Variants in MED16 observed in about 807,000 individuals in gnomAD.
MED16 encodes the protein mediator of RNA polymerase II transcription subunit 16.
In MED16, 81 loss-of-function variants were observed where a neutral mutation model predicts 84.4. That is an observed-to-expected ratio of 0.96 (90% CI 0.80 to 1.15). The LOEUF is 1.15. Ranked by LOEUF, MED16 falls within the 50% of genes most tolerant of loss-of-function variation. The probability of loss-of-function intolerance (pLI) is 0.00; values close to 1 mark genes in which losing one functional copy is unlikely to be tolerated. For synonymous variants in MED16, 897 were observed against 552.2 expected, an observed-to-expected ratio of 1.62 and a Z score of -8.76; for missense variants, 1,585 against 1,245.9, an observed-to-expected ratio of 1.27 and a Z score of -4.10.
intron 12 of MED16, chr19:871,477 G>T: frequency 6.9e-7 from 1 of 1,455,890 alleles, no homozygotes. Flanking sequence ...CCTGTCATGA[G>T]ACTCCCTCAT....
chr19:884,552 G>A (rs1053179505), intron 6 of MED16, among the ~76,000 whole-genome samples: 1 of 151,952 alleles, frequency 6.6e-6, no homozygotes, highest in Admixed American at 6.6e-5. Flanking sequence ...GCTGCCCGAC[G>A]GCCCCACCCA....
chr19:871,527 G>C, intron 12 of MED16: 1 of 1,567,272 alleles, frequency 6.4e-7, no homozygotes, highest in East Asian at 2.3e-5. Context: ...GCCTTTTCCA[G>C]ACACTGGGAT....
intron 13 of MED16, 66 bp downstream of exon 13, chr19:870,971 G>A: frequency 6.9e-7 from 1 of 1,455,858 alleles, no homozygotes; most frequent in South Asian, 1.3e-5. Flanking sequence ...GTGGATTCGG[G>A]GGTCCCGGGG....
intron 7 of MED16, among the ~76,000 whole-genome samples, chr19:880,406 G>C (rs148550951): frequency 0.026 from 3,942 of 152,364 alleles, 57 homozygotes; most frequent in Middle Eastern, 0.082. Context: ...CTGGGCCCAT[G>C]TCCTGGCTGA....
chr19:879,563 T>G (rs1169588759), intron 8 of MED16, among the ~76,000 whole-genome samples: 1 of 106,218 alleles, frequency 9.4e-6, no homozygotes, highest in African/African-American at 3.9e-5. Flanking sequence ...CAGCTCGCCT[T>G]CCCCTGGTTG....
intron 1 of MED16, among the ~76,000 whole-genome samples, 172 bp from the exon 2 acceptor site, chr19:891,321 G>T (rs886307297): frequency 6.6e-6 from 1 of 152,186 alleles, no homozygotes; most frequent in Non-Finnish European, 1.5e-5. Context: ...AACATGGAGA[G>T]GTCAGGGCCA....
intron 13 of MED16, among the ~76,000 whole-genome samples, chr19:870,218 G>A (rs1599313600): frequency 6.6e-6 from 1 of 152,156 alleles, no homozygotes; most frequent in Non-Finnish European, 1.5e-5. Context: ...ACTAAGGGCA[G>A]AGGCTAAGGC....
chr19:868,560 C>T (rs1208302603), intron 14 of MED16, 61 bp from the exon 15 acceptor site: 2 of 1,583,274 alleles, frequency 1.3e-6, no homozygotes, highest in Non-Finnish European at 8.5e-7. Flanking sequence ...TTACGCCTGC[C>T]CCACTTTTGC....
chr19:874,425 A>C (rs554694527), intron 10 of MED16, among the ~76,000 whole-genome samples: 1 of 152,310 alleles, frequency 6.6e-6, no homozygotes, highest in South Asian at 2.1e-4. Flanking sequence ...AATTTTTAAA[A>C]GAAACAGCCT....
intron 8 of MED16, among the ~76,000 whole-genome samples, chr19:878,184 A>T (rs1262047176): frequency 1.5e-5 from 2 of 129,412 alleles, no homozygotes; most frequent in East Asian, 2.6e-4. Flanking sequence ...CACCGAGCCC[A>T]GCCCCACGTG....
intron 9 of MED16, 45 bp downstream of exon 9, chr19:876,924 GCCACA>G (rs762208180): frequency 2.5e-5 from 39 of 1,537,314 alleles, no homozygotes; most frequent in African/African-American, 1.1e-4. Context: ...GCCCCCACCT[GCCACA>G]GGGCCCCCAC....
chr19:881,689 G>A lies in MED16; in HGVS notation c.1011C>T (p.Leu337=). The change falls in exon 7 of 16, where the codon CTC becomes CTT. Residue 337 remains leucine, a synonymous_variant. Transcript: ENST00000325464. ...PVVGDKQPTI[L]KWRILSATND... ...TGGTGGCCGATAGGATCCGCCATTT[G>A]AGAATTGTGGGCTGTTTGTCGCCAA... 1 of 1,611,980 alleles carries A rather than the reference G, an allele frequency of 6.2e-7. No individual in the cohort carries two copies. The highest frequency in any genetic ancestry group is 8.5e-7 in the Non-Finnish European group (1 of 1,179,380).
intron 13 of MED16, among the ~76,000 whole-genome samples, chr19:870,462 G>A (rs971030389): frequency 6.6e-6 from 1 of 151,848 alleles, no homozygotes; most frequent in African/African-American, 2.4e-5. Flanking sequence ...TGGGAAGGCT[G>A]AGGTAGGAGA....
intron 13 of MED16, among the ~76,000 whole-genome samples, chr19:869,311 G>A (rs1309413137): frequency 1.3e-5 from 2 of 152,106 alleles, no homozygotes; most frequent in African/African-American, 2.4e-5. Flanking sequence ...CTGGACAGAA[G>A]CAGGTACATG....
At position 868,943 on chromosome 19, in the gene MED16, G is replaced by GGCCCTGGC. The variant is rs1568316594; in HGVS notation, c.2316-5_2318dup (p.Gln776ProfsTer44). 1.3e-6 allele frequency: 2 copies of GGCCCTGGC among 1,537,490 alleles called. No individual in the cohort carries two copies. The highest frequency in any genetic ancestry group is 1.7e-6 in the Non-Finnish European group (2 of 1,149,036). ...GGTGGTCGATCTTGGGCTGGCCTGG[G>GGCCCTGGC]GCCCTGGCGGGAGAGGGGAGAACGT... On this transcript the variant is annotated frameshift_variant, in exon 14 of 16. Coordinates refer to ENST00000325464, the MANE Select transcript of MED16 (RefSeq NM_005481.3). LOFTEE classifies it high-confidence loss of function.
At chr19:869,318 C>T (rs2035992104) in intron 13 of MED16, among the ~76,000 whole-genome samples, 1 of 151,944 alleles carries the variant, frequency 6.6e-6, no homozygotes, top group Non-Finnish European at 1.5e-5. Flanking sequence ...GAAGCAGGTA[C>T]ATGGGGACTT....
chr19:888,823 G>A (rs921273764), intron 4 of MED16, among the ~76,000 whole-genome samples: 1 of 152,184 alleles, frequency 6.6e-6, no homozygotes, highest in Non-Finnish European at 1.5e-5. Context: ...ACGAAGGGAC[G>A]AGAGAAAAGA....
chr19:877,526 C>T (rs1011093163), intron 8 of MED16, among the ~76,000 whole-genome samples: 2 of 129,246 alleles, frequency 1.5e-5, no homozygotes, highest in African/African-American at 5.8e-5. Flanking sequence ...AGCCACCCCA[C>T]TGACCTCGCT....
At chr19:871,640 A>C (rs1342975882) in intron 12 of MED16, 1 of 1,594,098 alleles carries the variant, frequency 6.3e-7, no homozygotes, top group Admixed American at 1.7e-5. Flanking sequence ...GCACCCACAC[A>C]GAGCATGGAC....
Sources: gnomAD v4.1 joint callset for allele counts (sites outside exome capture counted in the v4.1 genomes callset) on GRCh38, gnomAD v4.1.1 for gene constraint, MANE v1.5 for transcripts, NCBI Gene and HGNC (gene_info 2026-07-23, HGNC 2026-07-21) for gene names.